Variants in RBFOX1 observed in about 807,000 individuals in gnomAD.
RBFOX1 encodes RNA binding fox-1 homolog 1.
Under a neutral mutation model 57.7 loss-of-function variants are expected in RBFOX1, and 8 were observed. The observed-to-expected ratio is 0.14, with a 90% CI of 0.08 to 0.25. RBFOX1 has a LOEUF of 0.25. Among genes scored for constraint, RBFOX1 ranks in the 10% least tolerant of loss-of-function variants. The pLI is 1.00. For synonymous variants in RBFOX1, 326 were observed against 222.4 expected (o/e 1.47, Z -4.15); for missense variants, 611 against 548.5 (o/e 1.11, Z -1.14).
intron 2 of RBFOX1, among the ~76,000 whole-genome samples, chr16:6,527,732 C>G (rs77633058): frequency 0.015 from 2,331 of 152,154 alleles, 70 homozygotes; most frequent in African/African-American, 0.053. Flanking sequence ...ATCGTTGACC[C>G]TAAACCCAGA....
At chr16:5,249,990 G>A (rs1353394427) in intron 1 of RBFOX1, among the ~76,000 whole-genome samples, 1 of 151,720 alleles carries the variant, frequency 6.6e-6, no homozygotes, top group Non-Finnish European at 1.5e-5. Flanking sequence ...ATTGCAGTGA[G>A]GAGGAGGTTG....
chr16:6,181,164 A>C (rs1019352598), intron 1 of RBFOX1, among the ~76,000 whole-genome samples: 1 of 152,140 alleles, frequency 6.6e-6, no homozygotes, highest in African/African-American at 2.4e-5. Flanking sequence ...CCAGTTTTCC[A>C]TCACTGAGAA....
At chr16:6,707,348 T>A (rs1246643088) in intron 3 of RBFOX1, among the ~76,000 whole-genome samples, 1 of 152,192 alleles carries the variant, frequency 6.6e-6, no homozygotes, top group African/African-American at 2.4e-5. Flanking sequence ...AACATTCATA[T>A]TTCAAAGTCT....
At chr16:5,721,748 C>G (rs7194227) in intron 3 of RBFOX1, among the ~76,000 whole-genome samples, 4,058 of 152,256 alleles carry the variant, frequency 0.027, 165 homozygotes, top group African/African-American at 0.088. Flanking sequence ...TCTTTATTAT[C>G]TGCTCATTCT....
At chr16:6,223,139 T>G (rs2097388591) in intron 1 of RBFOX1, among the ~76,000 whole-genome samples, 1 of 150,602 alleles carries the variant, frequency 6.6e-6, no homozygotes, top group Admixed American at 6.7e-5. Flanking sequence ...TTTGCTATTG[T>G]GGATAGTGCC....
intron 2 of RBFOX1, among the ~76,000 whole-genome samples, chr16:6,518,017 A>G (rs539114492): frequency 6.6e-6 from 1 of 152,276 alleles, no homozygotes; most frequent in East Asian, 1.9e-4. Context: ...TTGATGCCTC[A>G]TTGACTCTGA....
chr16:5,456,378 C>G (rs556546576), intron 1 of RBFOX1, among the ~76,000 whole-genome samples: 180 of 152,264 alleles, frequency 1.2e-3, no homozygotes, highest in African/African-American at 4.1e-3. Flanking sequence ...TGTTTTCCAC[C>G]TCCCATGGGT....
intron 4 of RBFOX1, among the ~76,000 whole-genome samples, chr16:7,197,724 T>C (rs1183594180): frequency 6.6e-6 from 1 of 152,190 alleles, no homozygotes; most frequent in Non-Finnish European, 1.5e-5. Flanking sequence ...TATATCCCTG[T>C]AGTAGAACGT....
intron 3 of RBFOX1, among the ~76,000 whole-genome samples, chr16:5,805,816 C>T (rs2055207062): frequency 6.6e-6 from 1 of 152,182 alleles, no homozygotes; most frequent in Non-Finnish European, 1.5e-5. Context: ...CTCCTCCCAC[C>T]TTCTGCTACC....
chr16:5,781,822 G>C (rs2054332771), intron 3 of RBFOX1, among the ~76,000 whole-genome samples: 1 of 152,242 alleles, frequency 6.6e-6, no homozygotes, highest in South Asian at 2.1e-4. Flanking sequence ...CTATGGCACT[G>C]ATATCAGAAA....
rs371701067 is a variant in RBFOX1, at chr16:6,236,933, G to C, written c.-126-80062G>C. 2.1e-4 allele frequency among the ~76,000 whole-genome samples: 32 copies of C among 152,304 alleles called. 1 individual carries two copies. The highest frequency in any genetic ancestry group is 7.5e-4 in the African/African-American group (31 of 41,570). ...ACACAGTGGCACATTGTACCATGGA[G>C]ATTACAACTCAAGTCTATTTGGCCC... On this transcript the variant is annotated intron_variant, in intron 1 of 15. Transcript: ENST00000550418.
chr16:7,088,766 G>A (rs866699594), intron 4 of RBFOX1, among the ~76,000 whole-genome samples: 1 of 152,310 alleles, frequency 6.6e-6, no homozygotes, highest in African/African-American at 2.4e-5. Flanking sequence ...CAAAGTCCTT[G>A]CTCTGTGATT....
intron 3 of RBFOX1, among the ~76,000 whole-genome samples, chr16:6,873,429 C>G (rs188129227): frequency 1.3e-5 from 2 of 152,092 alleles, no homozygotes; most frequent in African/African-American, 4.8e-5. Context: ...CTATGACTAC[C>G]TATTTCAAAT....
chr16:6,195,654 G>A (rs2097175142), intron 1 of RBFOX1, among the ~76,000 whole-genome samples: 1 of 152,024 alleles, frequency 6.6e-6, no homozygotes, highest in Admixed American at 6.6e-5. Flanking sequence ...GGGTGGTGGA[G>A]GTTGCAGTGA....
At chr16:6,844,172 C>T (rs548547816) in intron 3 of RBFOX1, among the ~76,000 whole-genome samples, 20 of 151,730 alleles carry the variant, frequency 1.3e-4, no homozygotes, top group African/African-American at 4.9e-4. Flanking sequence ...CCCCTTATAG[C>T]TTCTGGAGGA....
intron 4 of RBFOX1, among the ~76,000 whole-genome samples, chr16:7,229,426 C>G (rs548776662): frequency 1.3e-5 from 2 of 151,934 alleles, no homozygotes; most frequent in Non-Finnish European, 2.9e-5. Context: ...GTCACATCTT[C>G]CTGTCATCTA....
intron 2 of RBFOX1, among the ~76,000 whole-genome samples, chr16:6,430,726 A>T (rs998976871): frequency 2.0e-5 from 3 of 152,122 alleles, no homozygotes; most frequent in Admixed American, 6.6e-5. Flanking sequence ...GAGGTAGACA[A>T]CCACCAAATG....
chr16:6,394,391 G>C lies in RBFOX1; in HGVS notation c.-64+77334G>C, dbSNP rs189822944. 3.8e-4 allele frequency among the ~76,000 whole-genome samples: 58 copies of C among 152,280 alleles called. No individual in the cohort carries two copies. The East Asian group carries it at 7.7e-3, about 20-fold the overall frequency. ...ATAATCGATGCATGTGAATAAAAGA[G>C]AACTAACTGAACTGAATTACAGGCA... On this transcript the variant is annotated intron_variant, in intron 2 of 15. Coordinates refer to ENST00000550418, the MANE Select transcript of RBFOX1 (RefSeq NM_018723.4).
chr16:6,276,281 G>A (rs997176787), intron 1 of RBFOX1, among the ~76,000 whole-genome samples: 5 of 152,134 alleles, frequency 3.3e-5, no homozygotes, highest in South Asian at 2.1e-4. Flanking sequence ...GGAAGTGGTC[G>A]TTTTTTGTCC....
Sources: gnomAD v4.1 joint callset for allele counts (sites outside exome capture counted in the v4.1 genomes callset) on GRCh38, gnomAD v4.1.1 for gene constraint, MANE v1.5 for transcripts, NCBI Gene and HGNC (gene_info 2026-07-23, HGNC 2026-07-21) for gene names.